Variants in SLC38A12 observed in about 807,000 individuals in gnomAD.
The protein encoded by SLC38A12 is putative sodium-coupled neutral amino acid transporter 12.
the SLC38A12 span, chr17:74,837,094 C>G: frequency 1.0e-6 from 1 of 1,000,184 alleles, no homozygotes; most frequent in Non-Finnish European, 1.2e-6. Flanking sequence ...CCTCTCCTGC[C>G]CCATCCTGCG....
the SLC38A12 span, among the ~76,000 whole-genome samples, chr17:74,801,627 G>T: frequency 6.6e-6 from 1 of 152,202 alleles, no homozygotes; most frequent in African/African-American, 2.4e-5. Flanking sequence ...CCCCAAAAAT[G>T]TGCGTGCCCG....
At chr17:74,777,791 G>T in the SLC38A12 span, 1 of 398,366 alleles carries the variant, frequency 2.5e-6, no homozygotes. Flanking sequence ...TGGTGGCACT[G>T]TAATCCCAGC....
the SLC38A12 span, among the ~76,000 whole-genome samples, chr17:74,815,175 C>T: frequency 4.6e-4 from 70 of 152,308 alleles, no homozygotes; most frequent in African/African-American, 1.6e-3. Context: ...TCGTCACCTG[C>T]ACCAGTGACC....
the SLC38A12 span, chr17:74,788,731 T>TCA: frequency 6.7e-7 from 1 of 1,502,232 alleles, no homozygotes; most frequent in Non-Finnish European, 9.2e-7. Context: ...GTGTTTTCCT[T>TCA]CTCTCTCTGT....
chr17:74,790,039 G>C, the SLC38A12 span, among the ~76,000 whole-genome samples: 1 of 150,386 alleles, frequency 6.6e-6, no homozygotes, highest in Admixed American at 6.6e-5. Context: ...CTGCAGCCTC[G>C]ATCTCCTGGG....
At chr17:74,805,199 C>G in the SLC38A12 span, among the ~76,000 whole-genome samples, 2 of 152,244 alleles carry the variant, frequency 1.3e-5, no homozygotes, top group Non-Finnish European at 2.9e-5. The surrounding 1 kb of genome is among the most constrained non-coding windows in gnomAD (Gnocchi z 5.0). Flanking sequence ...GAACTGCTTC[C>G]CACAGCACCA....
the SLC38A12 span, among the ~76,000 whole-genome samples, chr17:74,796,411 A>G: frequency 6.6e-6 from 1 of 152,220 alleles, no homozygotes; most frequent in Non-Finnish European, 1.5e-5. Flanking sequence ...GATTTGGAGC[A>G]GGGAGGCAGG....
At chr17:74,823,271 C>T in the SLC38A12 span, among the ~76,000 whole-genome samples, 10 of 152,130 alleles carry the variant, frequency 6.6e-5, no homozygotes, top group Admixed American at 1.3e-4. Flanking sequence ...CCAAAGGGAC[C>T]GGAAAATCAT....
chr17:74,781,723 G>C, the SLC38A12 span, among the ~76,000 whole-genome samples: 1 of 152,202 alleles, frequency 6.6e-6, no homozygotes, highest in African/African-American at 2.4e-5. Context: ...GCTGCAGGGA[G>C]GGCAGATGTT....
chr17:74,817,055 C>T, the SLC38A12 span, among the ~76,000 whole-genome samples: 7 of 139,202 alleles, frequency 5.0e-5, no homozygotes, highest in Non-Finnish European at 1.1e-4. Flanking sequence ...CACACCGTGG[C>T]GTGGCAGCGC....
chr17:74,837,722 G>T, the SLC38A12 span: 23 of 985,800 alleles, frequency 2.3e-5, no homozygotes, highest in South Asian at 1.1e-3. Flanking sequence ...CATGGAAGGA[G>T]GCCAGGTCCC....
the SLC38A12 span, among the ~76,000 whole-genome samples, chr17:74,809,820 A>G: frequency 6.6e-6 from 1 of 152,150 alleles, no homozygotes; most frequent in African/African-American, 2.4e-5. Context: ...GTTCCCCAGC[A>G]TCAGAGTCGA....
chr17:74,805,079 G>A, the SLC38A12 span, among the ~76,000 whole-genome samples: 4 of 152,284 alleles, frequency 2.6e-5, no homozygotes, highest in African/African-American at 9.6e-5. The surrounding 1 kb of genome is among the most constrained non-coding windows in gnomAD (Gnocchi z 5.0). Flanking sequence ...TTTTCAACCA[G>A]TTCTGAGGAG....
chr17:74,813,108 C>T, the SLC38A12 span, among the ~76,000 whole-genome samples: 1 of 152,256 alleles, frequency 6.6e-6, no homozygotes, highest in African/African-American at 2.4e-5. Context: ...TGTCACTCCC[C>T]TGCCCCGCCC....
the SLC38A12 span, chr17:74,837,495 T>C: frequency 1.0e-6 from 1 of 985,448 alleles, no homozygotes; most frequent in African/African-American, 1.7e-5. Context: ...CAGGTGGTCC[T>C]ACTAGAGGGA....
chr17:74,780,803 C>A, the SLC38A12 span, among the ~76,000 whole-genome samples: 1 of 152,198 alleles, frequency 6.6e-6, no homozygotes, highest in African/African-American at 2.4e-5. Flanking sequence ...TGCTTTGGAA[C>A]TGAAAAAATT....
the SLC38A12 span, among the ~76,000 whole-genome samples, chr17:74,806,589 A>C: frequency 6.6e-6 from 1 of 152,096 alleles, no homozygotes. Context: ...AGAGCTGCCA[A>C]ACCCTCTATA....
chr17:74,829,707 C>A, the SLC38A12 span, among the ~76,000 whole-genome samples: 1 of 152,108 alleles, frequency 6.6e-6, no homozygotes, highest in African/African-American at 2.4e-5. This position sits in a 1 kb window ranked among gnomAD's most constrained non-coding sequence, Gnocchi z 4.1. Flanking sequence ...TTCATGTGTG[C>A]CCCCAGAGCG....
the SLC38A12 span, among the ~76,000 whole-genome samples, chr17:74,778,420 T>C: frequency 6.6e-6 from 1 of 152,148 alleles, no homozygotes; most frequent in Non-Finnish European, 1.5e-5. Flanking sequence ...CCCTGCCTTG[T>C]ACATAGCTTC....
Sources: allele counts gnomAD v4.1 joint callset (sites outside exome capture counted in the v4.1 genomes callset), GRCh38; gene constraint gnomAD v4.1.1; non-coding constraint Gnocchi (gnomAD v3.1); transcripts MANE v1.5; gene names NCBI Gene and HGNC (gene_info 2026-07-23, HGNC 2026-07-21).